Variants in TBL1X observed in about 807,000 individuals in gnomAD.
TBL1X encodes the protein transducin beta like 1 X-linked.
TBL1X carries 10 observed loss-of-function variants against 50.7 expected under a neutral mutation model. The ratio of observed to expected loss-of-function variants is 0.20; its 90% CI spans 0.12 to 0.33. TBL1X has a LOEUF of 0.33. Among genes scored for constraint, TBL1X ranks in the 10% least tolerant of loss-of-function variants. The pLI is 1.00. For missense variants in TBL1X, 340 were observed against 504.4 expected (o/e 0.67, Z 3.12); for synonymous variants, 190 against 214.7 (o/e 0.88, Z 1.01).
chrX:9,545,770 TATG>T (rs1333032913), intron 2 of TBL1X, among the ~76,000 whole-genome samples: 1 of 111,013 alleles, frequency 9.0e-6, no homozygotes, highest in Non-Finnish European at 1.9e-5. Flanking sequence ...TAATTAAACA[TATG>T]ATGGTTTTAT....
intron 2 of TBL1X, among the ~76,000 whole-genome samples, chrX:9,541,913 A>G (rs2082216736): frequency 9.2e-6 from 1 of 108,742 alleles, no homozygotes; most frequent in African/African-American, 3.3e-5. Context: ...TGCCTGATCC[A>G]CCTTCATATC....
chrX:9,510,305 G>T (rs1196892013), intron 2 of TBL1X, among the ~76,000 whole-genome samples: 1 of 112,141 alleles, frequency 8.9e-6, no homozygotes, highest in Non-Finnish European at 1.9e-5. Context: ...GTATCCTGGG[G>T]TAAGTGGGAT....
rs1285321518 is a variant in TBL1X, at chrX:9,601,853, C to T, written c.-130-38420C>T. 5.4e-5 allele frequency among the ~76,000 whole-genome samples: 6 copies of T among 111,784 alleles called. No individual in the cohort carries two copies. The Admixed American group carries it at 5.7e-4, about 11-fold the overall frequency. On this transcript the variant is annotated intron_variant, in intron 2 of 17. Coordinates refer to ENST00000645353, the MANE Select transcript of TBL1X (RefSeq NM_005647.4). ...GGCCAGGAGTTCAAGACCAGCCTGG[C>T]CAACATGGCGAAACCCTGTATCTAC... is the stretch of plus-strand genomic sequence containing the variant.
At chrX:9,468,595 C>T (rs2081792213) in intron 1 of TBL1X, among the ~76,000 whole-genome samples, 1 of 111,078 alleles carries the variant, frequency 9.0e-6, no homozygotes, top group South Asian at 3.7e-4. Context: ...TCTGGGCTCC[C>T]GCTGAACTTG....
At chrX:9,605,133 C>A (rs931523874) in intron 2 of TBL1X, among the ~76,000 whole-genome samples, 21 of 110,143 alleles carry the variant, frequency 1.9e-4, no homozygotes, top group South Asian at 4.0e-4. Context: ...TCATGTCACC[C>A]AGGTGACATG....
chrX:9,675,384 G>A (rs2146620487), intron 5 of TBL1X, among the ~76,000 whole-genome samples: 1 of 111,916 alleles, frequency 8.9e-6, no homozygotes, highest in East Asian at 2.8e-4. Flanking sequence ...ACGGGAACCT[G>A]TCCAGTTAGA....
chrX:9,634,255 C>T (rs1315695906), intron 2 of TBL1X, among the ~76,000 whole-genome samples: 2 of 110,489 alleles, frequency 1.8e-5, no homozygotes, highest in Admixed American at 9.6e-5. Flanking sequence ...TCCACCAGTC[C>T]CCAGCCCTAG....
chrX:9,672,254 G>A (rs1441725679), intron 5 of TBL1X, among the ~76,000 whole-genome samples: 2 of 112,104 alleles, frequency 1.8e-5, no homozygotes, highest in Non-Finnish European at 3.8e-5. Context: ...TTTTAGATAA[G>A]ATGAAATAGC....
At chrX:9,480,079 G>A (rs767160620) in intron 1 of TBL1X, among the ~76,000 whole-genome samples, 1 of 109,773 alleles carries the variant, frequency 9.1e-6, no homozygotes, top group East Asian at 2.9e-4. Context: ...GCCTCCCCCC[G>A]GCGTAGCTGA....
At chrX:9,712,150 C>A (rs920199341) in intron 16 of TBL1X, among the ~76,000 whole-genome samples, 1 of 112,411 alleles carries the variant, frequency 8.9e-6, no homozygotes, top group Admixed American at 9.4e-5. Flanking sequence ...CAGTTATCAC[C>A]GAAGTGCTGC....
intron 7 of TBL1X, among the ~76,000 whole-genome samples, 189 bp from the exon 8 acceptor site, chrX:9,691,390 C>T (rs1337612983): frequency 1.0e-5 from 1 of 99,305 alleles, no homozygotes; most frequent in Non-Finnish European, 2.0e-5. Context: ...GAGCCGAGGT[C>T]GTGCCACTGC....
chrX:9,491,330 ATATATATATTT>A (rs2081942176), intron 1 of TBL1X, among the ~76,000 whole-genome samples: 1 of 22,733 alleles, frequency 4.4e-5, no homozygotes, highest in African/African-American at 1.8e-4. Context: ...ATATATATAT[ATATATATATTT>A]TTTTTTTTTT....
intron 5 of TBL1X, among the ~76,000 whole-genome samples, chrX:9,672,043 G>A (rs2082963248): frequency 8.9e-6 from 1 of 112,385 alleles, no homozygotes. Flanking sequence ...AAAGCAATTA[G>A]AATGAAAATC....
At chrX:9,582,605 G>A (rs1356982401) in intron 2 of TBL1X, among the ~76,000 whole-genome samples, 1 of 112,519 alleles carries the variant, frequency 8.9e-6, no homozygotes, top group Non-Finnish European at 1.9e-5. Flanking sequence ...TCAATTGCAT[G>A]GTTGCTCGCA....
chrX:9,504,265 CAAATA>C (rs2082015573), intron 2 of TBL1X, among the ~76,000 whole-genome samples: 2 of 111,750 alleles, frequency 1.8e-5, no homozygotes, highest in African/African-American at 6.5e-5. Flanking sequence ...CAACAACAAT[CAAATA>C]AAAGGTCCCC....
chrX:9,534,352 A>G (rs1468616831), intron 2 of TBL1X, among the ~76,000 whole-genome samples: 1 of 111,430 alleles, frequency 9.0e-6, no homozygotes, highest in Non-Finnish European at 1.9e-5. Flanking sequence ...TACAGTTGTT[A>G]TTTAGTGGCC....
At chrX:9,604,200 A>G (rs974125302) in intron 2 of TBL1X, among the ~76,000 whole-genome samples, 2 of 111,731 alleles carry the variant, frequency 1.8e-5, no homozygotes, top group Admixed American at 1.9e-4. Flanking sequence ...CCCACTGGCC[A>G]TTAGACACTT....
chrX:9,690,034 G>A (rs185214026), intron 7 of TBL1X, among the ~76,000 whole-genome samples: 36 of 112,254 alleles, frequency 3.2e-4, no homozygotes, highest in Non-Finnish European at 2.4e-4. Flanking sequence ...GCACCTTTAC[G>A]AAAGACATAT....
chrX:9,467,527 C>G (rs1243964551), intron 1 of TBL1X, among the ~76,000 whole-genome samples: 1 of 112,452 alleles, frequency 8.9e-6, no homozygotes, highest in Non-Finnish European at 1.9e-5. Flanking sequence ...ACCTAATATG[C>G]TACATCCGAG....
Sources: gnomAD v4.1 joint callset for allele counts (sites outside exome capture counted in the v4.1 genomes callset) on GRCh38, gnomAD v4.1.1 for gene constraint, MANE v1.5 for transcripts, NCBI Gene and HGNC (gene_info 2026-07-23, HGNC 2026-07-21) for gene names.